Variants in WDR6 observed in about 807,000 individuals in gnomAD.
WDR6 encodes the protein WD repeat domain 6.
A neutral mutation model predicts 85.6 loss-of-function variants in WDR6; 58 were observed. That is an observed-to-expected ratio of 0.68 (90% CI 0.55 to 0.84). WDR6 has a LOEUF of 0.84. Ranked by LOEUF, WDR6 falls within the 40% of genes least tolerant of loss-of-function variation. WDR6 has a pLI of 0.00. For synonymous variants in WDR6, 569 were observed against 582.2 expected (o/e 0.98, Z 0.33); for missense variants, 1,310 against 1,476.4 (o/e 0.89, Z 1.85).
At position 49,015,869 on chromosome 3, in the gene WDR6, A is replaced by ATATC; in HGVS notation, c.*584_*587dup. ...ATGCTGAGCTGTACCAGGAACTTGCATATCTAGAGACAGAGACTGAGTCAC... is the reference window on the plus strand; with the variant it reads ...ATGCTGAGCTGTACCAGGAACTTGCATATCTATCTAGAGACAGAGACTGAGTCAC... On this transcript the variant is annotated 3_prime_UTR_variant, in exon 6 of 6. Coordinates refer to ENST00000608424, the MANE Select transcript of WDR6 (RefSeq NM_018031.6). The ATATC allele has an allele frequency of 6.2e-7, 1 of 1,614,182 alleles. No homozygotes were observed. Among genetic ancestry groups the ATATC allele is most frequent in the African/African-American group, 1.3e-5 (1 of 75,028 alleles).
chr3:49,010,132 C>G (rs775670291), intron 1 of WDR6, among the ~76,000 whole-genome samples: 1 of 151,796 alleles, frequency 6.6e-6, no homozygotes, highest in Non-Finnish European at 1.5e-5. Context: ...TGAGGCTGGG[C>G]GCGGTGGCTC....
In WDR6 at chr3:49,013,844, T is replaced by G; in HGVS notation, c.2310T>G (p.Val770=). ...TTGSAHALTA[V]CNHISSVRAV... is the part of the protein sequence containing the mutation. ...GCTCAGCCCACGCACTCACAGCTGT[T>G]TGTAACCATATCTCCTCGGTACGTG... is the stretch of plus-strand genomic sequence containing the variant. The change falls in exon 2 of 6, where the codon GTT becomes GTG. Residue 770 remains valine (V), a synonymous_variant. Coordinates refer to ENST00000608424, the MANE Select transcript of WDR6 (RefSeq NM_018031.6). This position sits in a 1 kb window ranked among gnomAD's most constrained non-coding sequence, Gnocchi z 4.6. The G allele has an allele frequency of 6.2e-7, 1 of 1,614,124 alleles. No homozygotes were observed. Among genetic ancestry groups the G allele is most frequent in the Non-Finnish European group, 8.5e-7 (1 of 1,180,008 alleles).
rs758468264 is a variant in WDR6 at position 49,013,137 on chromosome 3, C to T, written c.1603C>T (p.Arg535Trp). 29 of 1,607,752 alleles carry T rather than the reference C, an allele frequency of 1.8e-5. No homozygotes were observed. The highest frequency in any genetic ancestry group is 1.6e-4 in the Middle Eastern group (1 of 6,072). The change falls in exon 2 of 6, where the codon CGG (arginine) becomes TGG (tryptophan). Residue 535 changes from arginine (R) to tryptophan (W), a missense_variant. Coordinates refer to ENST00000608424, the MANE Select transcript of WDR6 (RefSeq NM_018031.6). The surrounding 1 kb of genome is among the most constrained non-coding windows in gnomAD (Gnocchi z 4.6). The stretch of plus-strand genomic sequence containing the variant: ...GGACCCTGGGGTGGGAGGCAAGGCT[C>T]GGGCTGGTGCTGGGGCACCTGTAGT... ...LKDPGVGGKARAGAGAPVVGS... is the reference protein window; with the variant it reads ...LKDPGVGGKAWAGAGAPVVGS...
At position 49,015,609 on chromosome 3, in the gene WDR6, G is replaced by A. The variant is rs2093052309; in HGVS notation, c.*321G>A. 1.2e-6 allele frequency: 2 copies of A among 1,614,154 alleles called. No individual in the cohort carries two copies. The highest frequency in any genetic ancestry group is 1.7e-6 in the Non-Finnish European group (2 of 1,180,032). ...GGCCTTAAATGTGGCTCAGTGGAGG[G>A]AGACCCAGCATAGCCAGGCCAGTAT... is the stretch of plus-strand genomic sequence containing the variant. On this transcript the variant is annotated 3_prime_UTR_variant, in exon 6 of 6. Coordinates refer to ENST00000608424, the MANE Select transcript of WDR6 (RefSeq NM_018031.6).
rs370371243 is a variant in WDR6 at position 49,014,071 on chromosome 3, G to T, written c.2537G>T (p.Arg846Leu). The T allele has an allele frequency of 8.1e-6, 13 of 1,613,096 alleles. No individual in the cohort carries two copies. Among genetic ancestry groups the T allele is most frequent in the Non-Finnish European group, 1.1e-5 (13 of 1,179,948 alleles). The change falls in exon 2 of 6, where the codon CGG becomes CTG. Residue 846 changes from arginine to leucine, a missense_variant. Physicochemically the swap from Arg to Leu is moderately radical, Grantham distance 102. Coordinates refer to ENST00000608424, the MANE Select transcript of WDR6 (RefSeq NM_018031.6). The surrounding 1 kb of genome is among the most constrained non-coding windows in gnomAD (Gnocchi z 4.9). ...CACCGGCTAGATGAGTATTGGGACC[G>T]GCAACGCAATCGGCATCGGATGGTT... is the stretch of plus-strand genomic sequence containing the variant. Reference protein sequence around the residue: ...SSHRLDEYWDRQRNRHRMVKV... With the variant: ...SSHRLDEYWDLQRNRHRMVKV...
Position 49,013,495 on chromosome 3 carries a change from G to A in WDR6, c.1961G>A (p.Gly654Asp). ...SHEKLHIVNC[G>D]GGHRSWAFSD... ...GAGAAGCTGCACATCGTCAACTGTG[G>A]TGGAGGGCACCGTTCGTGGGCATTC... The change falls in exon 2 of 6, where the codon GGT becomes GAT. Residue 654 changes from glycine (G) to aspartate (D), a missense_variant. By Grantham distance (94) the Gly-to-Asp change is moderately conservative. Transcript: ENST00000608424. The surrounding 1 kb of genome is among the most constrained non-coding windows in gnomAD (Gnocchi z 4.6). 1 of 1,614,098 alleles carries A rather than the reference G, an allele frequency of 6.2e-7. No individual in the cohort carries two copies. The highest frequency in any genetic ancestry group is 1.1e-5 in the South Asian group (1 of 91,084).
Position 49,015,590 on chromosome 3 carries a change from A to C in WDR6, c.*302A>C. On this transcript the variant is annotated 3_prime_UTR_variant, in exon 6 of 6. Coordinates refer to ENST00000608424, the MANE Select transcript of WDR6 (RefSeq NM_018031.6). The stretch of plus-strand genomic sequence containing the variant: ...CAGGTATTGGAGCCTCTGTGGCCTT[A>C]AATGTGGCTCAGTGGAGGGAGACCC... 6.2e-7 allele frequency: 1 copy of C among 1,614,106 alleles called. No homozygotes were observed. Among genetic ancestry groups the C allele is most frequent in the Non-Finnish European group, 8.5e-7 (1 of 1,180,010 alleles).
In WDR6 at chr3:49,012,935, C is replaced by T. The variant is rs143317829; in HGVS notation, c.1401C>T (p.Ile467=). The change falls in exon 2 of 6, where the codon ATC becomes ATT. Residue 467 remains isoleucine (I), a synonymous_variant. Coordinates refer to ENST00000608424, the MANE Select transcript of WDR6 (RefSeq NM_018031.6). This position sits in a 1 kb window ranked among gnomAD's most constrained non-coding sequence, Gnocchi z 4.4. ...GCGGGGTAGTAGCTTGCCTAGAGAT[C>T]TCAGCCGCACCCTCTGGCAAGGCCA... is the stretch of plus-strand genomic sequence containing the variant. ...GPGGVVACLE[I]SAAPSGKAIF... 918 of 1,613,932 alleles carry T rather than the reference C, an allele frequency of 5.7e-4. 7 individuals carry two copies. The African/African-American group carries it at 0.011, about 19-fold the overall frequency.
rs532422402 is a variant in WDR6, at chr3:49,013,767, A to G, written c.2233A>G (p.Thr745Ala). The G allele has an allele frequency of 3.7e-5, 60 of 1,614,010 alleles. No homozygotes were observed. Among genetic ancestry groups the G allele is most frequent in the Middle Eastern group, 3.3e-4 (2 of 6,084 alleles). ...EGPDLTDIVI[T>A]CSEDTTVCVL... ...GCCCGACTTGACTGACATTGTGATC[A>G]CATGTAGTGAGGACACTACTGTCTG... The change falls in exon 2 of 6, where the codon ACA becomes GCA. Residue 745 changes from threonine to alanine, a missense_variant. By Grantham distance (58) the Thr-to-Ala change is moderately conservative. Coordinates refer to ENST00000608424, the MANE Select transcript of WDR6 (RefSeq NM_018031.6). This position sits in a 1 kb window ranked among gnomAD's most constrained non-coding sequence, Gnocchi z 4.6.
Position 49,013,439 on chromosome 3 carries a change from T to C in WDR6, c.1905T>C (p.Asn635=). The change falls in exon 2 of 6, where the codon AAT becomes AAC. Residue 635 remains asparagine (N), a synonymous_variant. Transcript: ENST00000608424. The surrounding 1 kb of genome is among the most constrained non-coding windows in gnomAD (Gnocchi z 4.6). ...TGGTTATCCTGGGTTTCCATGCCAA[T>C]GAGTTTGTGGTGTGGAACCCTCGGT... ...GSMVILGFHA[N]EFVVWNPRSH... 1 of 1,614,112 alleles carries C rather than the reference T, an allele frequency of 6.2e-7. No homozygotes were observed. Among genetic ancestry groups the C allele is most frequent in the Non-Finnish European group, 8.5e-7 (1 of 1,180,006 alleles).
In WDR6 at chr3:49,012,339, A is replaced by T; in HGVS notation, c.805A>T (p.Asn269Tyr). 1 of 1,614,164 alleles carries T rather than the reference A, an allele frequency of 6.2e-7. No individual in the cohort carries two copies. The highest frequency in any genetic ancestry group is 1.1e-5 in the South Asian group (1 of 91,084). Residue 269 changes from asparagine (N) to tyrosine (Y), a missense_variant, in exon 2 of 6, where the codon AAT becomes TAT. By Grantham distance (143) the Asn-to-Tyr change is moderately radical (BLOSUM62 -2). Coordinates refer to ENST00000608424, the MANE Select transcript of WDR6 (RefSeq NM_018031.6). This position sits in a 1 kb window ranked among gnomAD's most constrained non-coding sequence, Gnocchi z 4.4. ...TGTGTGGCAGGTCAAGCTTCTAGAG[A>T]ATTACCTTATCAGTGCAGGAGAGGA... Reference protein sequence around the residue: ...ARVWQVKLLENYLISAGEDCV... With the variant: ...ARVWQVKLLEYYLISAGEDCV...
rs1426704299 is a variant in WDR6, at chr3:49,012,086, C to G, written c.552C>G (p.Leu184=). The change falls in exon 2 of 6, where the codon CTC becomes CTG. Residue 184 remains leucine (L), a synonymous_variant. Coordinates refer to ENST00000608424, the MANE Select transcript of WDR6 (RefSeq NM_018031.6). The surrounding 1 kb of genome is among the most constrained non-coding windows in gnomAD (Gnocchi z 4.4). ...TGGCAGGTGCTGTTTCCAACCAGCTCTTGGTCTGGTACCCAGCAACTGCCT... is the reference window on the plus strand; with the variant it reads ...TGGCAGGTGCTGTTTCCAACCAGCTGTTGGTCTGGTACCCAGCAACTGCCT... The part of the protein sequence containing the change: ...TIVAGAVSNQ[L]LVWYPATALA... 2 of 1,613,770 alleles carry G rather than the reference C, an allele frequency of 1.2e-6. No individual in the cohort carries two copies. The highest frequency in any genetic ancestry group is 8.5e-7 in the Non-Finnish European group (1 of 1,180,038).
Position 49,013,898 on chromosome 3 carries a change from A to G in WDR6, c.2364A>G (p.Pro788=), listed in dbSNP as rs1004897188. The G allele has an allele frequency of 8.1e-6, 13 of 1,613,682 alleles. No homozygotes were observed. Among genetic ancestry groups the G allele is most frequent in the African/African-American group, 1.3e-5 (1 of 74,868 alleles). ...RAVAVWGIGT[P]GGPQDPQPGL... Reference sequence around the variant, plus strand: ...TGGCTGTGTGGGGCATTGGCACCCCAGGTGGCCCTCAGGATCCTCAGCCAG... The same window carrying G: ...TGGCTGTGTGGGGCATTGGCACCCCGGGTGGCCCTCAGGATCCTCAGCCAG... The change falls in exon 2 of 6, where the codon CCA becomes CCG. Residue 788 remains proline, a synonymous_variant. Transcript: ENST00000608424. The surrounding 1 kb of genome is among the most constrained non-coding windows in gnomAD (Gnocchi z 4.6).
Position 49,015,785 on chromosome 3 carries a change from C to A in WDR6, c.*497C>A, listed in dbSNP as rs757036832. ...CTATACCTCTCTGCACGTCCCACCC[C>A]ATTTTGCTGTGTGCTCACCCCCAGG... On this transcript the variant is annotated 3_prime_UTR_variant, in exon 6 of 6. Coordinates refer to ENST00000608424, the MANE Select transcript of WDR6 (RefSeq NM_018031.6). 4 of 1,614,010 alleles carry A rather than the reference C, an allele frequency of 2.5e-6. No individual in the cohort carries two copies. The African/African-American group carries it at 5.3e-5, about 22-fold the overall frequency.
chr3:49,009,783 A>C (rs1204316603), intron 1 of WDR6, among the ~76,000 whole-genome samples: 1 of 150,090 alleles, frequency 6.7e-6, no homozygotes, highest in East Asian at 2.0e-4. Flanking sequence ...GGTGGAGTGC[A>C]GTGGTGCAAT....
chr3:49,011,286 C>T, intron 1 of WDR6: 1 of 450,452 alleles, frequency 2.2e-6, no homozygotes, highest in Non-Finnish European at 3.9e-6. Context: ...ACCTTGTTGG[C>T]CAGGCTAGTC....
Position 49,015,239 on chromosome 3 carries a change from G to A in WDR6, c.3317G>A (p.Arg1106His), listed in dbSNP as rs767085740. The change falls in exon 6 of 6, where the codon CGT (arginine) becomes CAT (histidine). Residue 1106 changes from arginine (R) to histidine (H), a missense_variant. By Grantham distance (29) the Arg-to-His change is conservative. Transcript: ENST00000608424. ...CWPVSPEFGH[R>H]CALGGQGLEV... is the part of the protein sequence containing the mutation. ...CCTGTGAGCCCTGAGTTTGGCCACC[G>A]TTGTGCCCTTGGGGGTCAGGGGCTT... The A allele has an allele frequency of 2.5e-6, 4 of 1,613,194 alleles. No individual in the cohort carries two copies. Among genetic ancestry groups the A allele is most frequent in the Non-Finnish European group, 8.5e-7 (1 of 1,180,040 alleles).
At chr3:49,011,105 T>TC (rs1559895257) in intron 1 of WDR6, 3 of 448,018 alleles carry the variant, frequency 6.7e-6, no homozygotes, top group Non-Finnish European at 1.3e-5. Context: ...TTTTTTCTTT[T>TC]TTTTTTTTTG....
chr3:49,007,424 G>T lies in WDR6; in HGVS notation c.-8G>T, dbSNP rs1368121895. The T allele has an allele frequency of 3.7e-6, 6 of 1,609,264 alleles. No homozygotes were observed. The highest frequency in any genetic ancestry group is 1.3e-5 in the African/African-American group (1 of 74,926). The stretch of plus-strand genomic sequence containing the variant: ...AGCCGTGGCTGCCTCAGCACCTCGA[G>T]GATCGACATGGACGCTCTCGAGGAC... On this transcript the variant is annotated 5_prime_UTR_variant, in exon 1 of 6. The change creates a new upstream start codon in the 5' untranslated region. Coordinates refer to ENST00000608424, the MANE Select transcript of WDR6 (RefSeq NM_018031.6). The surrounding 1 kb of genome is among the most constrained non-coding windows in gnomAD (Gnocchi z 5.1).
Sources: allele counts gnomAD v4.1 joint callset (sites outside exome capture counted in the v4.1 genomes callset), GRCh38; gene constraint gnomAD v4.1.1; non-coding constraint Gnocchi (gnomAD v3.1); transcripts MANE v1.5; gene names NCBI Gene and HGNC (gene_info 2026-07-23, HGNC 2026-07-21).